Variants in KIF27 observed in about 807,000 individuals in gnomAD.
KIF27 encodes kinesin family member 27.
Under a neutral mutation model 141.8 loss-of-function variants are expected in KIF27, and 84 were observed. The ratio of observed to expected loss-of-function variants is 0.59; its 90% CI spans 0.50 to 0.71. The LOEUF (loss-of-function observed/expected upper bound fraction) is 0.71. Ranked by LOEUF, KIF27 falls within the 30% of genes least tolerant of loss-of-function variation. The probability of loss-of-function intolerance (pLI) is 0.00; values close to 1 mark genes in which losing one functional copy is unlikely to be tolerated. For synonymous variants in KIF27, 471 were observed against 569.5 expected (o/e 0.83, Z 2.46); for missense variants, 1,306 against 1,628.4 (o/e 0.80, Z 3.41).
intron 13 of KIF27, among the ~76,000 whole-genome samples, chr9:83,861,392 A>C (rs1949900680): frequency 6.9e-6 from 1 of 144,960 alleles, no homozygotes. Context: ...AAGTGTTCTC[A>C]TTGTTCAATT....
intron 16 of KIF27, among the ~76,000 whole-genome samples, chr9:83,846,155 T>G (rs1947243842): frequency 6.6e-6 from 1 of 152,060 alleles, no homozygotes; most frequent in Admixed American, 6.5e-5. Context: ...CACTGAGCCC[T>G]CAATATGGCA....
At chr9:83,908,937 C>G (rs1045659029) in intron 2 of KIF27, among the ~76,000 whole-genome samples, 1 of 151,992 alleles carries the variant, frequency 6.6e-6, no homozygotes, top group Non-Finnish European at 1.5e-5. Flanking sequence ...CTCTTTTAAA[C>G]CACAACTATA....
chr9:83,886,134 T>C (rs1952083659), intron 9 of KIF27, among the ~76,000 whole-genome samples: 2 of 152,136 alleles, frequency 1.3e-5, no homozygotes, highest in African/African-American at 4.8e-5. Context: ...TGACCCCTCT[T>C]AGGAGTATCT....
At chr9:83,918,893 T>C (rs1346806597) in intron 1 of KIF27, among the ~76,000 whole-genome samples, 2 of 152,062 alleles carry the variant, frequency 1.3e-5, no homozygotes, top group Non-Finnish European at 2.9e-5. Context: ...CTGAACAACA[T>C]GGTGAAACCC....
At position 83,842,370 on chromosome 9, in the gene KIF27, G is replaced by T. The variant is rs1365751041; in HGVS notation, c.3588C>A (p.Phe1196Leu). 1 of 1,526,526 alleles carries T rather than the reference G, an allele frequency of 6.6e-7. No individual in the cohort carries two copies. Among genetic ancestry groups the T allele is most frequent in the African/African-American group, 1.4e-5 (1 of 70,240 alleles). 94.6% of individuals were successfully genotyped at this position (1,526,526 alleles called of 1,614,324 possible). A position where few individuals can be genotyped will look rare whatever the true frequency, so the allele number is the denominator to read the frequency against. Residue 1196 changes from phenylalanine to leucine, a missense_variant, in exon 17 of 18, where the codon TTC (phenylalanine) becomes TTA (leucine). Around this residue, in one of 4 missense-constraint regions of KIF27, gnomAD observed 148 missense variants for 250.9 expected, o/e 0.59. Transcript: ENST00000297814. ...GCTGGATTTTATCTTCATATGTTTT[G>T]AAAGTTTCCATAATGCCTTCTCCAT... ...EQDGEGIMET[F>L]KTYEDKIQQL...
At chr9:83,900,606 CATT>C (rs757593193) in intron 4 of KIF27, among the ~76,000 whole-genome samples, 2 of 150,144 alleles carry the variant, frequency 1.3e-5, no homozygotes, top group Non-Finnish European at 3.0e-5. Flanking sequence ...GAAAAGAAGT[CATT>C]ATACAAAAAA....
intron 5 of KIF27, chr9:83,898,995 C>A (rs1165223888): frequency 6.6e-6 from 1 of 152,096 alleles, no homozygotes; most frequent in African/African-American, 2.4e-5. Context: ...CAACAAAATA[C>A]AATTAGAAGG....
rs1954213383 is a variant in KIF27 at position 83,903,938 on chromosome 9, G to A, written c.580C>T (p.His194Tyr). Residue 194 changes from histidine to tyrosine, a missense_variant, in exon 4 of 18, where the codon CAT becomes TAT. By Grantham distance (83) the His-to-Tyr change is moderately conservative. Around this residue, in one of 4 missense-constraint regions of KIF27, gnomAD observed 533 missense variants for 565.6 expected, o/e 0.94. Coordinates refer to ENST00000297814, the MANE Select transcript of KIF27 (RefSeq NM_017576.4). ...TCATTCATTTGAGTGGTACCTGTAT[G>A]TCTGGCTGCATTCCCCATCTCCAAA... The part of the protein sequence containing the change: ...SLLEMGNAAR[H>Y]TGTTQMNEHS... 1.2e-6 allele frequency: 2 copies of A among 1,614,012 alleles called. No homozygotes were observed. Among genetic ancestry groups the A allele is most frequent in the South Asian group, 1.1e-5 (1 of 91,084 alleles).
At chr9:83,863,193 C>A (rs1950084580) in intron 13 of KIF27, among the ~76,000 whole-genome samples, 1 of 152,084 alleles carries the variant, frequency 6.6e-6, no homozygotes, top group Non-Finnish European at 1.5e-5. Flanking sequence ...ATTGCCCTGG[C>A]CAGAACTTCC....
At chr9:83,907,004 A>G (rs1954615582) in intron 3 of KIF27, among the ~76,000 whole-genome samples, 1 of 151,634 alleles carries the variant, frequency 6.6e-6, no homozygotes, top group South Asian at 2.1e-4. Flanking sequence ...TTAAAAAATT[A>G]TATGGGCCAG....
At chr9:83,872,153 G>A (rs1362093444) in intron 11 of KIF27, among the ~76,000 whole-genome samples, 9 of 151,656 alleles carry the variant, frequency 5.9e-5, no homozygotes, top group East Asian at 5.9e-4. Flanking sequence ...GGGAAACCCC[G>A]TCTCTACTAA....
At position 83,891,384 on chromosome 9, in the gene KIF27, T is replaced by G. The variant is rs1315190662; in HGVS notation, c.1720A>C (p.Arg574=). ...KENCGDGPDA[R]IPERRPYTVP... is the part of the protein sequence containing the mutation. Reference sequence around the variant, plus strand: ...GTATATGGTCTCCTTTCAGGGATCCTGGCATCTGGCCCATCTCCACAATTT... The same window carrying G: ...GTATATGGTCTCCTTTCAGGGATCCGGGCATCTGGCCCATCTCCACAATTT... The change falls in exon 6 of 18, where the codon AGG becomes CGG. Residue 574 remains arginine (R), a synonymous_variant. Transcript: ENST00000297814. 6.2e-7 allele frequency: 1 copy of G among 1,613,938 alleles called. No individual in the cohort carries two copies. The highest frequency in any genetic ancestry group is 1.3e-5 in the African/African-American group (1 of 75,056).
rs367666949 is a variant in KIF27 at position 83,892,261 on chromosome 9, T to C, written c.1603-760A>G. On this transcript the variant is annotated intron_variant, in intron 5 of 17. Coordinates refer to ENST00000297814, the MANE Select transcript of KIF27 (RefSeq NM_017576.4). ...TAGGAAAAAAAACCTTACATTTTCA[T>C]TGTATAAATGCTGAGCAATAAAAAT... 1.1e-4 allele frequency among the ~76,000 whole-genome samples: 17 copies of C among 152,336 alleles called. 1 individual carries two copies. In the East Asian group the frequency reaches 1.7e-3, roughly 16 times the overall value.
intron 14 of KIF27, among the ~76,000 whole-genome samples, chr9:83,854,577 T>A (rs1297528600): frequency 1.3e-5 from 2 of 152,230 alleles, no homozygotes; most frequent in Non-Finnish European, 2.9e-5. Context: ...TTTCTTTTTT[T>A]ATTTTGGACA....
At chr9:83,909,224 G>A (rs1432716624) in intron 2 of KIF27, among the ~76,000 whole-genome samples, 1 of 152,172 alleles carries the variant, frequency 6.6e-6, no homozygotes, top group Non-Finnish European at 1.5e-5. Context: ...GCAGGGTAGG[G>A]GGACTAGAAG....
At chr9:83,854,231 A>G (rs1252511330) in intron 14 of KIF27, among the ~76,000 whole-genome samples, 22 of 152,340 alleles carry the variant, frequency 1.4e-4, no homozygotes, top group African/African-American at 4.6e-4. Context: ...TCTCCTCCAT[A>G]ACCCCTAAAG....
intron 10 of KIF27, among the ~76,000 whole-genome samples, 164 bp from the exon 11 acceptor site, chr9:83,880,658 T>G (rs951166801): frequency 6.6e-6 from 1 of 152,220 alleles, no homozygotes; most frequent in Non-Finnish European, 1.5e-5. Context: ...TTTCCATTTT[T>G]GCAATTAGGG....
Position 83,848,180 on chromosome 9 carries a change from T to TATCTGATATATCAG in KIF27, c.3556+1918_3556+1919insCTGATATATCAGAT, listed in dbSNP as rs1947781639. 1.5e-4 allele frequency among the ~76,000 whole-genome samples: 5 copies of TATCTGATATATCAG among 33,114 alleles called. 2 individuals carry two copies. The highest frequency in any genetic ancestry group is 5.1e-4 in the African/African-American group (2 of 3,920). The allele number at this position is 33,114 out of a possible 152,430, so 21.7% of individuals were successfully genotyped here. ...CATATATGATATATCTGATATATCATATATGATATATATGATATATCAGAT... is the reference window on the plus strand; with the variant it reads ...CATATATGATATATCTGATATATCATATCTGATATATCAGATATGATATATATGATATATCAGAT... On this transcript the variant is annotated intron_variant, in intron 16 of 17. Coordinates refer to ENST00000297814, the MANE Select transcript of KIF27 (RefSeq NM_017576.4).
chr9:83,892,665 C>T (rs1180716208), intron 5 of KIF27, among the ~76,000 whole-genome samples: 3 of 151,848 alleles, frequency 2.0e-5, no homozygotes, highest in African/African-American at 4.8e-5. Flanking sequence ...ATGCTGCTTA[C>T]AAGAAACATA....
Sources: allele counts gnomAD v4.1 joint callset (sites outside exome capture counted in the v4.1 genomes callset), GRCh38; gene constraint gnomAD v4.1.1; regional missense constraint gnomAD v4.1.1; transcripts MANE v1.5; gene names NCBI Gene and HGNC (gene_info 2026-07-23, HGNC 2026-07-21).